The following MTBP variants were observed in gnomAD, a reference collection of about 807,000 sequenced individuals.
The protein encoded by MTBP is MDM2 binding protein.
MTBP carries 101 observed loss-of-function variants against 117.0 expected under a neutral mutation model. That is an observed-to-expected ratio of 0.86 (90% CI 0.73 to 1.02). The LOEUF is 1.02. MTBP is among the 50% of genes least tolerant of loss of function. The pLI is 0.00. For missense variants in MTBP, 970 were observed against 1,030.9 expected, an observed-to-expected ratio of 0.94 and a Z score of 0.81; for synonymous variants, 350 against 351.5, an observed-to-expected ratio of 1.00 and a Z score of 0.05.
chr8:120,498,578 G>A (rs1036312628), intron 14 of MTBP, among the ~76,000 whole-genome samples: 1 of 152,178 alleles, frequency 6.6e-6, no homozygotes, highest in Non-Finnish European at 1.5e-5. Flanking sequence ...GACATAGGTA[G>A]TTATGAAGAT....
intron 13 of MTBP, among the ~76,000 whole-genome samples, chr8:120,495,481 G>A (rs1814432742): frequency 6.6e-6 from 1 of 151,866 alleles, no homozygotes; most frequent in Non-Finnish European, 1.5e-5. Flanking sequence ...AATTTAAATG[G>A]GAGAGTCATA....
chr8:120,471,980 A>G (rs558186278), intron 11 of MTBP: 1 of 152,280 alleles, frequency 6.6e-6, no homozygotes, highest in African/African-American at 2.4e-5. Flanking sequence ...TGCTTTCCCA[A>G]AGTCACATTG....
chr8:120,474,568 A>C lies in MTBP; in HGVS notation c.1165+3631A>C, dbSNP rs118079928. ...ACTGAATTATGCCCAACTGTCCTCT[A>C]TTGTTGCCACATATATTCCAGAATC... On this transcript the variant is annotated intron_variant, in intron 11 of 21. Transcript: ENST00000305949. 6.8e-4 allele frequency among the ~76,000 whole-genome samples: 103 copies of C among 152,120 alleles called. 1 individual carries two copies. In the East Asian group the frequency reaches 0.018, roughly 27 times the overall value.
Position 120,515,875 on chromosome 8 carries a change from C to A in MTBP, c.1980-50C>A, listed in dbSNP as rs576407126. On this transcript the variant is annotated intron_variant, in intron 17 of 21. Coordinates refer to ENST00000305949, the MANE Select transcript of MTBP (RefSeq NM_022045.5). The stretch of plus-strand genomic sequence containing the variant: ...TATTTTCTCATTGAAAGGGGAAAGT[C>A]TGTTGCTCTCATGGAGGTTTACATT... The A allele has an allele frequency of 4.1e-5, 62 of 1,523,616 alleles. No homozygotes were observed. In the East Asian group the frequency reaches 1.3e-3, roughly 33 times the overall value. The allele number at this position is 1,523,616 out of a possible 1,614,324, so 94.4% of individuals were successfully genotyped here. A position where few individuals can be genotyped will look rare whatever the true frequency, so the allele number is the denominator to read the frequency against.
intron 15 of MTBP, among the ~76,000 whole-genome samples, chr8:120,505,602 T>C (rs969258058): frequency 6.6e-6 from 1 of 152,230 alleles, no homozygotes; most frequent in African/African-American, 2.4e-5. Context: ...TTTAATCATG[T>C]AATTATCAGT....
At chr8:120,505,785 C>T (rs1814674300) in intron 15 of MTBP, among the ~76,000 whole-genome samples, 1 of 152,134 alleles carries the variant, frequency 6.6e-6, no homozygotes, top group Admixed American at 6.6e-5. Flanking sequence ...CTGGAAACAT[C>T]TAACTGAAAC....
intron 13 of MTBP, among the ~76,000 whole-genome samples, chr8:120,494,163 T>C (rs1192771480): frequency 2.0e-5 from 3 of 152,196 alleles, no homozygotes; most frequent in African/African-American, 7.2e-5. Flanking sequence ...GCCTCCTTCT[T>C]ATTCTACTCC....
chr8:120,491,386 A>G (rs1046437105), intron 13 of MTBP, among the ~76,000 whole-genome samples: 4 of 152,182 alleles, frequency 2.6e-5, no homozygotes, highest in Non-Finnish European at 5.9e-5. Context: ...TCAATTATTC[A>G]TGTAAAGATT....
chr8:120,453,918 G>A lies in MTBP; in HGVS notation c.484+13G>A. On this transcript the variant is annotated intron_variant, in intron 5 of 21. Transcript: ENST00000305949. Reference sequence around the variant, plus strand: ...CTTCCTGCTCCTGGTAATATTTTATGACTGCTTTCAATAATTTGTATCTTA... The same window carrying A: ...CTTCCTGCTCCTGGTAATATTTTATAACTGCTTTCAATAATTTGTATCTTA... The A allele has an allele frequency of 6.6e-7, 1 of 1,509,194 alleles. No homozygotes were observed. The highest frequency in any genetic ancestry group is 9.1e-7 in the Non-Finnish European group (1 of 1,102,790). 93.5% of individuals were successfully genotyped at this position (1,509,194 alleles called of 1,614,324 possible).
At chr8:120,511,448 A>G (rs1390046564) in intron 17 of MTBP, among the ~76,000 whole-genome samples, 1 of 152,082 alleles carries the variant, frequency 6.6e-6, no homozygotes, top group African/African-American at 2.4e-5. Context: ...GGCATGCACC[A>G]CCACGCCTGG....
chr8:120,477,398 T>C (rs1813964983), intron 11 of MTBP, among the ~76,000 whole-genome samples: 1 of 152,064 alleles, frequency 6.6e-6, no homozygotes, highest in African/African-American at 2.4e-5. Flanking sequence ...CAAAATTGAC[T>C]AATAGGATCT....
intron 17 of MTBP, among the ~76,000 whole-genome samples, chr8:120,512,430 T>C (rs2130615771): frequency 6.6e-6 from 1 of 152,240 alleles, no homozygotes; most frequent in East Asian, 1.9e-4. Context: ...TGTCTCCATC[T>C]CGCTACTCTT....
intron 17 of MTBP, among the ~76,000 whole-genome samples, chr8:120,512,374 T>A (rs1288621082): frequency 6.6e-6 from 1 of 152,126 alleles, no homozygotes; most frequent in African/African-American, 2.4e-5. Flanking sequence ...TATAATCTTA[T>A]TTAGATTATT....
intron 20 of MTBP, 127 bp downstream of exon 20, chr8:120,518,944 G>A: frequency 1.8e-6 from 1 of 569,590 alleles, no homozygotes; most frequent in Non-Finnish European, 3.1e-6. Flanking sequence ...ATTAAATGAT[G>A]GAGATAGAAA....
intron 17 of MTBP, 52 bp downstream of exon 17, chr8:120,510,081 C>T: frequency 8.1e-7 from 1 of 1,239,388 alleles, no homozygotes; most frequent in Non-Finnish European, 1.1e-6. Context: ...TACAGCCTGT[C>T]TTGTGTGAAG....
In MTBP at chr8:120,510,034, GTTT is replaced by G; in HGVS notation, c.1979+8_1979+10del. On this transcript the variant is annotated splice_donor_region_variant and intron_variant, in intron 17 of 21. Transcript: ENST00000305949. ...ATGTCATTATCATGGAATTGAGTAA[GTTT>G]TTATTTGTACTTTACTCTTCTGTAT... The G allele has an allele frequency of 3.2e-6, 5 of 1,583,452 alleles. No individual in the cohort carries two copies. The highest frequency in any genetic ancestry group is 3.5e-6 in the Non-Finnish European group (4 of 1,154,910).
intron 15 of MTBP, 66 bp from the exon 16 acceptor site, chr8:120,506,640 T>C: frequency 7.9e-7 from 1 of 1,273,440 alleles, no homozygotes; most frequent in Non-Finnish European, 1.0e-6. Flanking sequence ...TTTTTTTTTT[T>C]TTGACTCTGG....
intron 9 of MTBP, among the ~76,000 whole-genome samples, chr8:120,461,798 A>G (rs534625319): frequency 1.3e-5 from 2 of 152,144 alleles, no homozygotes; most frequent in Admixed American, 6.6e-5. Flanking sequence ...ATACATCTCC[A>G]TGACTTCTGT....
rs567995222 is a variant in MTBP, at chr8:120,467,167, G to A, written c.1047+3406G>A. ...TTTTACTAATAATTAAGCTAGATTA[G>A]GAAAAGACAAGATAGGATTGTTAGG... On this transcript the variant is annotated intron_variant, in intron 10 of 21. Transcript: ENST00000305949. Among the ~76,000 whole-genome samples the A allele has an allele frequency of 2.6e-5, 4 of 152,282 alleles. No individual in the cohort carries two copies. In the East Asian group the frequency reaches 7.7e-4, roughly 29 times the overall value.
Sources: allele counts gnomAD v4.1 joint callset (sites outside exome capture counted in the v4.1 genomes callset), GRCh38; gene constraint gnomAD v4.1.1; transcripts MANE v1.5; gene names NCBI Gene and HGNC (gene_info 2026-07-23, HGNC 2026-07-21).